The following MMP26 variants were observed in gnomAD, a reference collection of about 807,000 sequenced individuals.
MMP26 encodes the protein matrix metallopeptidase 26, also known as matrix metalloproteinase-26.
In MMP26, 33 loss-of-function variants were observed where a neutral mutation model predicts 31.0. That is an observed-to-expected ratio of 1.06 (90% CI 0.81 to 1.42). MMP26 has a LOEUF of 1.42. MMP26 is among the 40% of genes most tolerant of loss of function. The pLI is 0.00. For synonymous variants in MMP26, 122 were observed against 114.9 expected (o/e 1.06, Z -0.40); for missense variants, 347 against 316.1 (o/e 1.10, Z -0.74).
intron 2 of MMP26, among the ~76,000 whole-genome samples, chr11:4,846,289 A>G (rs1012886340): frequency 5.9e-5 from 9 of 152,232 alleles, no homozygotes; most frequent in South Asian, 2.1e-4. Flanking sequence ...ATTAAGTGAC[A>G]TATGCCAGGC....
chr11:4,850,607 T>G (rs1849961279), intron 2 of MMP26, among the ~76,000 whole-genome samples: 1 of 151,976 alleles, frequency 6.6e-6, no homozygotes, highest in Non-Finnish European at 1.5e-5. Context: ...TAAAGAAAAG[T>G]AAAATAAAAA....
chr11:4,839,219 C>T (rs747855970), intron 2 of MMP26, among the ~76,000 whole-genome samples: 11 of 152,006 alleles, frequency 7.2e-5, no homozygotes, highest in African/African-American at 2.2e-4. Context: ...CACCACAGAC[C>T]AAAGTGATCT....
At chr11:4,812,228 A>G (rs554357665) in intron 2 of MMP26, among the ~76,000 whole-genome samples, 1 of 150,194 alleles carries the variant, frequency 6.7e-6, no homozygotes, top group Non-Finnish European at 1.5e-5. Context: ...TGGTGTGTGT[A>G]TATATATATG....
chr11:4,873,774 C>T (rs1850341715), intron 2 of MMP26, among the ~76,000 whole-genome samples: 1 of 151,988 alleles, frequency 6.6e-6, no homozygotes, highest in Non-Finnish European at 1.5e-5. Flanking sequence ...CAAATGCATA[C>T]TCTTAACAAC....
intron 2 of MMP26, among the ~76,000 whole-genome samples, chr11:4,809,498 T>G (rs1015559557): frequency 6.6e-6 from 1 of 152,222 alleles, no homozygotes; most frequent in Non-Finnish European, 1.5e-5. Flanking sequence ...GTTAAGTTCA[T>G]CAGTCAGCTG....
chr11:4,907,090 C>G (rs953429347), intron 2 of MMP26, among the ~76,000 whole-genome samples: 3 of 11,630 alleles, frequency 2.6e-4, no homozygotes, highest in African/African-American at 6.4e-4. Flanking sequence ...GAGCAAAACT[C>G]CCTCTAAAAA....
At position 4,769,641 on chromosome 11, in the gene MMP26, C is replaced by T. The variant is rs914416256; in HGVS notation, c.-145+2300C>T. The T allele has an allele frequency of 2.5e-6, 4 of 1,597,878 alleles. No homozygotes were observed. The African/African-American group carries it at 4.5e-5, about 18-fold the overall frequency. Reference sequence around the variant, plus strand: ...ACAATGCAGCTATATAGACTGATTTCACGTGCCTCAAACCAGAGGATACCT... The same window carrying T: ...ACAATGCAGCTATATAGACTGATTTTACGTGCCTCAAACCAGAGGATACCT... On this transcript the variant is annotated intron_variant, in intron 2 of 7. Transcript: ENST00000380390.
intron 2 of MMP26, among the ~76,000 whole-genome samples, chr11:4,839,093 C>A (rs1327406636): frequency 6.6e-6 from 1 of 152,014 alleles, no homozygotes; most frequent in Non-Finnish European, 1.5e-5. Flanking sequence ...ACAACAACAA[C>A]AAAACTGGAC....
At chr11:4,776,807 G>C (rs554567989) in intron 2 of MMP26, among the ~76,000 whole-genome samples, 2 of 152,140 alleles carry the variant, frequency 1.3e-5, no homozygotes, top group South Asian at 4.2e-4. Context: ...TAAGTTTCCC[G>C]AGTCTTCCCA....
intron 2 of MMP26, among the ~76,000 whole-genome samples, chr11:4,986,928 T>TCTCTCTCC (rs1846901718): frequency 9.8e-6 from 1 of 102,516 alleles, no homozygotes; most frequent in African/African-American, 4.1e-5. Context: ...TCTCTCTCTC[T>TCTCTCTCC]CTCCCTCTCT....
chr11:4,722,982 G>C, intron 1 of MMP26: 1 of 836,622 alleles, frequency 1.2e-6, no homozygotes, highest in Non-Finnish European at 2.1e-6. Context: ...CCAGACTCCA[G>C]CCGGCTCTCC....
intron 2 of MMP26, among the ~76,000 whole-genome samples, chr11:4,891,595 C>T (rs1330242175): frequency 6.6e-6 from 1 of 152,134 alleles, no homozygotes. Flanking sequence ...AGGAAGCAGT[C>T]CAAAGTAAGG....
chr11:4,881,044 G>A (rs1850453991), intron 2 of MMP26, among the ~76,000 whole-genome samples: 1 of 152,118 alleles, frequency 6.6e-6, no homozygotes. Context: ...GTCAGATGGA[G>A]ACTTGTACCT....
chr11:4,747,940 C>T (rs920318059), intron 1 of MMP26, among the ~76,000 whole-genome samples: 1 of 151,762 alleles, frequency 6.6e-6, no homozygotes, highest in African/African-American at 2.4e-5. Context: ...AAATAAATTA[C>T]AAAGATCTGA....
At chr11:4,848,386 T>C (rs770139423) in intron 2 of MMP26, 21 of 1,613,880 alleles carry the variant, frequency 1.3e-5, no homozygotes, top group South Asian at 3.3e-5. Flanking sequence ...TGCTGAGTGA[T>C]TGGCAGCTCA....
chr11:4,895,371 C>T (rs1324826043), intron 2 of MMP26, among the ~76,000 whole-genome samples: 1 of 152,176 alleles, frequency 6.6e-6, no homozygotes, highest in Non-Finnish European at 1.5e-5. Flanking sequence ...AAGCCCCCAC[C>T]TCTGATTCCA....
chr11:4,971,961 A>T (rs1482606892), intron 2 of MMP26, among the ~76,000 whole-genome samples: 1 of 152,192 alleles, frequency 6.6e-6, no homozygotes, highest in African/African-American at 2.4e-5. Context: ...GCCCTTCATG[A>T]GGGATTCACC....
intron 2 of MMP26, chr11:4,769,515 T>C: frequency 6.2e-7 from 1 of 1,613,932 alleles, no homozygotes; most frequent in Non-Finnish European, 8.5e-7. Flanking sequence ...AGAATGGTAG[T>C]GTACCTCAGA....
intron 2 of MMP26, chr11:4,849,266 A>C (rs1447674668): frequency 6.5e-7 from 1 of 1,531,994 alleles, no homozygotes; most frequent in Admixed American, 2.0e-5. Flanking sequence ...AGGTTTACTT[A>C]ATCGCGTGCC....
Sources: gnomAD v4.1 joint callset for allele counts (sites outside exome capture counted in the v4.1 genomes callset) on GRCh38, gnomAD v4.1.1 for gene constraint, MANE v1.5 for transcripts, NCBI Gene and HGNC (gene_info 2026-07-23, HGNC 2026-07-21) for gene names.